BABAM2: variants seen among roughly 807,000 people sequenced by gnomAD.
BABAM2 encodes the protein BRISC and BRCA1-A complex member 2.
Under a neutral mutation model 54.7 loss-of-function variants are expected in BABAM2, and 31 were observed. The observed-to-expected ratio is 0.57, with a 90% CI of 0.43 to 0.77. The LOEUF is 0.77. Among genes scored for constraint, BABAM2 ranks in the 30% least tolerant of loss-of-function variants. The probability of loss-of-function intolerance (pLI) is 0.00; values close to 1 mark genes in which losing one functional copy is unlikely to be tolerated. For missense variants in BABAM2, 364 were observed against 455.8 expected (o/e 0.80, Z 1.83); for synonymous variants, 167 against 162.9 (o/e 1.03, Z -0.19).
intron 11 of BABAM2, among the ~76,000 whole-genome samples, chr2:28,311,162 G>A (rs1204502766): frequency 6.6e-6 from 1 of 151,472 alleles, no homozygotes. Flanking sequence ...TTGGGAGGCT[G>A]AGGCAGGAGA....
rs186466110 is a variant in BABAM2, at chr2:28,105,662, A to G, written c.571-23609A>G. ...CGATGTATGTTAAGGTACGATGCAT[A>G]GCACCCAGACAGAAATAAGCCTTAT... On this transcript the variant is annotated intron_variant, in intron 6 of 11. Coordinates refer to ENST00000379624, the MANE Select transcript of BABAM2 (RefSeq NM_199191.3). Among the ~76,000 whole-genome samples the G allele has an allele frequency of 3.9e-5, 6 of 152,338 alleles. No homozygotes were observed. The East Asian group carries it at 1.2e-3, about 29-fold the overall frequency.
At chr2:28,308,496 G>A in intron 11 of BABAM2, 2 of 527,166 alleles carry the variant, frequency 3.8e-6, no homozygotes, top group Admixed American at 3.9e-5. Context: ...CAAACAGGCT[G>A]TGAAGAAGCT....
At chr2:27,919,219 CA>C (rs1232265808) in intron 2 of BABAM2, among the ~76,000 whole-genome samples, 2 of 152,192 alleles carry the variant, frequency 1.3e-5, no homozygotes, top group Middle Eastern at 6.3e-3. Flanking sequence ...TATGCTCTAA[CA>C]ACTTTGCTAA....
At chr2:28,026,926 A>AT (rs1558667814) in intron 5 of BABAM2, among the ~76,000 whole-genome samples, 1 of 76,514 alleles carries the variant, frequency 1.3e-5, no homozygotes, top group African/African-American at 6.0e-5. Flanking sequence ...TAATATATAT[A>AT]AATATATATA....
intron 3 of BABAM2, among the ~76,000 whole-genome samples, chr2:27,963,469 C>CAAAAAAAA (rs760525051): frequency 9.2e-5 from 5 of 54,370 alleles, no homozygotes; most frequent in African/African-American, 1.3e-4. Flanking sequence ...GACTCTTTCT[C>CAAAAAAAA]AAAAAAAAAA....
At chr2:28,015,415 G>A (rs1404910029) in intron 4 of BABAM2, among the ~76,000 whole-genome samples, 2 of 152,108 alleles carry the variant, frequency 1.3e-5, no homozygotes. Context: ...TCTTAAAGAT[G>A]TATCCAGATT....
At chr2:28,023,540 G>T (rs1490487994) in intron 4 of BABAM2, among the ~76,000 whole-genome samples, 6 of 152,090 alleles carry the variant, frequency 3.9e-5, no homozygotes, top group Admixed American at 3.9e-4. Context: ...GATTTGCCAG[G>T]GAAAACTTTG....
At chr2:27,958,561 CAT>C (rs1296921448) in intron 3 of BABAM2, among the ~76,000 whole-genome samples, 6 of 149,792 alleles carry the variant, frequency 4.0e-5, no homozygotes, top group African/African-American at 9.8e-5. Context: ...TATACACACA[CAT>C]ATATATGTAT....
chr2:28,184,274 C>CTG (rs1219737828), intron 7 of BABAM2, among the ~76,000 whole-genome samples: 6 of 118,768 alleles, frequency 5.1e-5, no homozygotes, highest in Non-Finnish European at 1.1e-4. Flanking sequence ...CTCTCTCTCT[C>CTG]TCTCTCTCTC....
rs935737220 is a variant in BABAM2, at chr2:27,918,161, A to G, written c.129-11671A>G. 2.0e-5 allele frequency among the ~76,000 whole-genome samples: 3 copies of G among 152,312 alleles called. No individual in the cohort carries two copies. In the East Asian group the frequency reaches 5.8e-4, roughly 29 times the overall value. On this transcript the variant is annotated intron_variant, in intron 2 of 11. Coordinates refer to ENST00000379624, the MANE Select transcript of BABAM2 (RefSeq NM_199191.3). ...TTTAAGCATACAGTTCTGTGGCATT[A>G]AGTATATTTACATTGTAGTACAGTC...
chr2:28,176,328 G>T (rs1674938704), intron 7 of BABAM2, among the ~76,000 whole-genome samples: 1 of 151,972 alleles, frequency 6.6e-6, no homozygotes, highest in African/African-American at 2.4e-5. Context: ...CCAGCACTTT[G>T]GGAGGGTGCA....
At chr2:28,061,356 C>T (rs563683813) in intron 6 of BABAM2, among the ~76,000 whole-genome samples, 8 of 151,612 alleles carry the variant, frequency 5.3e-5, no homozygotes, top group African/African-American at 7.3e-5. Flanking sequence ...GAGGCCGAGG[C>T]GGGCAGATCA....
At chr2:28,311,155 G>T (rs1237822958) in intron 11 of BABAM2, among the ~76,000 whole-genome samples, 1 of 151,696 alleles carries the variant, frequency 6.6e-6, no homozygotes, top group Admixed American at 6.6e-5. Flanking sequence ...CAGGTACTTG[G>T]GAGGCTGAGG....
intron 11 of BABAM2, chr2:28,307,690 A>G (rs748588432): frequency 5.3e-5 from 8 of 152,148 alleles, no homozygotes; most frequent in Non-Finnish European, 8.8e-5. Context: ...TCCACAATAC[A>G]TTGTTATTAC....
At chr2:28,056,587 T>C (rs1678444436) in intron 6 of BABAM2, among the ~76,000 whole-genome samples, 1 of 152,184 alleles carries the variant, frequency 6.6e-6, no homozygotes, top group Non-Finnish European at 1.5e-5. Context: ...TTTATAGTGA[T>C]TGTCATTTAA....
intron 3 of BABAM2, among the ~76,000 whole-genome samples, chr2:27,982,844 T>TACACAC (rs146744707): frequency 0.017 from 2,115 of 127,166 alleles, 30 homozygotes; most frequent in East Asian, 0.047. Flanking sequence ...TCATTATGTG[T>TACACAC]ACACACACAC....
chr2:28,252,955 T>C (rs1258039229), intron 10 of BABAM2, among the ~76,000 whole-genome samples: 3 of 152,236 alleles, frequency 2.0e-5, no homozygotes, highest in Admixed American at 6.5e-5. Flanking sequence ...GGAAGCTGTT[T>C]ACAGAGTAAC....
chr2:28,062,843 A>G (rs1172252329), intron 6 of BABAM2, among the ~76,000 whole-genome samples: 1 of 152,232 alleles, frequency 6.6e-6, no homozygotes, highest in Non-Finnish European at 1.5e-5. Context: ...AATGTGTGCC[A>G]TTCTGTGTTA....
rs940248712 is a variant in BABAM2, at chr2:27,987,814, C to T, written c.206-179C>T. On this transcript the variant is annotated intron_variant, in intron 3 of 11. Transcript: ENST00000379624. ...TGGATGACAAAGTGAGACCCTGTCT[C>T]AAAAAAAAAAAAAAAAAAGATATCA... is the stretch of plus-strand genomic sequence containing the variant. Among the ~76,000 whole-genome samples the T allele has an allele frequency of 1.6e-4, 10 of 62,194 alleles. No homozygotes were observed. The East Asian group carries it at 4.1e-3, about 26-fold the overall frequency. The allele number at this position is 62,194 out of a possible 152,430, so 40.8% of individuals were successfully genotyped here.
Sources: gnomAD v4.1 joint callset for allele counts (sites outside exome capture counted in the v4.1 genomes callset) on GRCh38, gnomAD v4.1.1 for gene constraint, MANE v1.5 for transcripts, NCBI Gene and HGNC (gene_info 2026-07-23, HGNC 2026-07-21) for gene names.